The following SH3PXD2B variants were observed in gnomAD, a reference collection of about 807,000 sequenced individuals.
The protein encoded by SH3PXD2B is SH3 and PX domains 2B.
In SH3PXD2B, 37 loss-of-function variants were observed where a neutral mutation model predicts 73.1. The observed-to-expected ratio is 0.51, with a 90% CI of 0.39 to 0.67. SH3PXD2B has a LOEUF of 0.67. SH3PXD2B is among the 30% of genes least tolerant of loss of function. The pLI is 0.00. For missense variants in SH3PXD2B, 1,053 were observed against 1,197.8 expected, an observed-to-expected ratio of 0.88 and a Z score of 1.78; for synonymous variants, 457 against 480.5, an observed-to-expected ratio of 0.95 and a Z score of 0.64.
chr5:172,347,593 T>C (rs1757025135), intron 10 of SH3PXD2B, among the ~76,000 whole-genome samples: 1 of 146,534 alleles, frequency 6.8e-6, no homozygotes. Context: ...CCTCAAGTCA[T>C]GGAAATTCTC....
intron 4 of SH3PXD2B, 78 bp downstream of exon 4, chr5:172,394,485 A>C: frequency 6.9e-7 from 1 of 1,443,996 alleles, no homozygotes; most frequent in Non-Finnish European, 9.6e-7. Flanking sequence ...TTTATTGTTG[A>C]GCATCTTGTA....
intron 1 of SH3PXD2B, among the ~76,000 whole-genome samples, chr5:172,434,495 C>G (rs1485314744): frequency 6.6e-6 from 1 of 152,202 alleles, no homozygotes; most frequent in Non-Finnish European, 1.5e-5. Context: ...TGTGAAACAG[C>G]TGCCGCCCTG....
In SH3PXD2B at chr5:172,445,604, C is replaced by G. The variant is rs2113514439; in HGVS notation, c.75+8674G>C. 6.6e-6 allele frequency among the ~76,000 whole-genome samples: 1 copy of G among 152,338 alleles called. No homozygotes were observed. The highest frequency in any genetic ancestry group is 1.9e-4 in the East Asian group (1 of 5,186). ...TAAAGAATAGGATGACCAGTAAAAT[C>G]TGAATTTCGGATAAACAACAAATAA... On this transcript the variant is annotated intron_variant, in intron 1 of 12. Coordinates refer to ENST00000311601, the MANE Select transcript of SH3PXD2B (RefSeq NM_001017995.3). The surrounding 1 kb of genome is among the most constrained non-coding windows in gnomAD (Gnocchi z 5.2).
rs142188421 is a variant in SH3PXD2B, at chr5:172,377,336, A to G, written c.402-3521T>C. Among the ~76,000 whole-genome samples the G allele has an allele frequency of 7.9e-5, 12 of 152,220 alleles. No individual in the cohort carries two copies. In the East Asian group the frequency reaches 2.3e-3, roughly 29 times the overall value. ...ACATGGGTTGACCTTCAGGATCCTGACCAACAGACCAACCCCAATGGGTAT... is the reference window on the plus strand; with the variant it reads ...ACATGGGTTGACCTTCAGGATCCTGGCCAACAGACCAACCCCAATGGGTAT... On this transcript the variant is annotated intron_variant, in intron 5 of 12. Coordinates refer to ENST00000311601, the MANE Select transcript of SH3PXD2B (RefSeq NM_001017995.3).
rs1757958743 is a variant in SH3PXD2B at position 172,382,045 on chromosome 5, G to A, written c.392C>T (p.Pro131Leu). 1 of 1,611,114 alleles carries A rather than the reference G, an allele frequency of 6.2e-7. No homozygotes were observed. Among genetic ancestry groups the A allele is most frequent in the Admixed American group, 1.7e-5 (1 of 59,634 alleles). Residue 131 changes from proline to leucine, a missense_variant, in exon 5 of 13, where the codon CCC (proline) becomes CTC (leucine). Physicochemically the swap from Pro to Leu is moderately conservative, Grantham distance 98. Coordinates refer to ENST00000311601, the MANE Select transcript of SH3PXD2B (RefSeq NM_001017995.3). ...CCACAAACAAACTTACTCTTTGGGG[G>A]GATTCAGGTCCTCAGGTCTTGTCTC... ...FFETRPEDLN[P>L]PKEEHIGKKK...
chr5:172,373,902 T>G, intron 5 of SH3PXD2B, 87 bp from the exon 6 acceptor site: 1 of 1,431,484 alleles, frequency 7.0e-7, no homozygotes, highest in South Asian at 1.2e-5. Flanking sequence ...GAAACTGAGA[T>G]TCTCCACCCC....
At chr5:172,416,158 T>A (rs1207218934) in intron 2 of SH3PXD2B, among the ~76,000 whole-genome samples, 1 of 151,954 alleles carries the variant, frequency 6.6e-6, no homozygotes, top group Non-Finnish European at 1.5e-5. Flanking sequence ...CAAGACTCCG[T>A]CTCTACAAAA....
At chr5:172,363,363 T>C (rs977502637) in intron 6 of SH3PXD2B, among the ~76,000 whole-genome samples, 3 of 152,180 alleles carry the variant, frequency 2.0e-5, no homozygotes, top group African/African-American at 7.2e-5. Flanking sequence ...TTCCAGATAC[T>C]CTAAAGAGTA....
intron 5 of SH3PXD2B, among the ~76,000 whole-genome samples, chr5:172,377,654 C>G (rs1757847057): frequency 6.6e-6 from 1 of 152,102 alleles, no homozygotes; most frequent in African/African-American, 2.4e-5. Flanking sequence ...CAAGGTCACA[C>G]AGCTGGGAAG....
intron 10 of SH3PXD2B, among the ~76,000 whole-genome samples, chr5:172,350,051 C>A (rs554986678): frequency 9.5e-4 from 144 of 152,226 alleles, no homozygotes; most frequent in African/African-American, 3.3e-3. Context: ...GACGGGGTTT[C>A]ACCATGTTGG....
chr5:172,444,336 A>G (rs536464564), intron 1 of SH3PXD2B, among the ~76,000 whole-genome samples: 1 of 152,188 alleles, frequency 6.6e-6, no homozygotes, highest in Non-Finnish European at 1.5e-5. Context: ...CTGGGTGCTG[A>G]GCTTTCCCCC....
At chr5:172,425,686 T>G (rs1759080143) in intron 1 of SH3PXD2B, among the ~76,000 whole-genome samples, 1 of 151,832 alleles carries the variant, frequency 6.6e-6, no homozygotes, top group Non-Finnish European at 1.5e-5. Context: ...CGTCTGGATT[T>G]CATTCTACTG....
intron 1 of SH3PXD2B, among the ~76,000 whole-genome samples, chr5:172,431,628 T>A (rs906021313): frequency 6.6e-6 from 1 of 152,292 alleles, no homozygotes; most frequent in Admixed American, 6.5e-5. Flanking sequence ...CTCAAAAAAA[T>A]TCTGTAATGA....
chr5:172,364,674 G>A (rs544836263), intron 6 of SH3PXD2B, among the ~76,000 whole-genome samples: 2 of 151,280 alleles, frequency 1.3e-5, no homozygotes, highest in African/African-American at 2.4e-5. Context: ...TCCGCTCCCC[G>A]CCCAAAAAAA....
In SH3PXD2B at chr5:172,337,803, T is replaced by C; in HGVS notation, c.*566A>G. 2.0e-6 allele frequency: 2 copies of C among 999,510 alleles called. No homozygotes were observed. The highest frequency in any genetic ancestry group is 2.4e-6 in the Non-Finnish European group (2 of 837,986). 61.9% of individuals were successfully genotyped at this position (999,510 alleles called of 1,614,324 possible). ...GTGGAACCTCAGAGGCCCACGGGCC[T>C]GAGGCTTTGGGGAAGGGGACACTTT... On this transcript the variant is annotated 3_prime_UTR_variant, in exon 13 of 13. Transcript: ENST00000311601.
chr5:172,334,180 T>C lies in SH3PXD2B; in HGVS notation c.*4189A>G. 9.0e-7 allele frequency: 1 copy of C among 1,107,570 alleles called. No individual in the cohort carries two copies. The highest frequency in any genetic ancestry group is 1.1e-6 in the Non-Finnish European group (1 of 906,122). The allele number at this position is 1,107,570 out of a possible 1,614,324, so 68.6% of individuals were successfully genotyped here. On this transcript the variant is annotated 3_prime_UTR_variant, in exon 13 of 13. Transcript: ENST00000311601. ...AAACATGAGGAGGAGCTCGATAACT[T>C]GGCAGAATAGCACCAGAAACCAGAT...
At chr5:172,406,528 C>A (rs1758562764) in intron 2 of SH3PXD2B, among the ~76,000 whole-genome samples, 176 bp from the exon 3 acceptor site, 1 of 152,100 alleles carries the variant, frequency 6.6e-6, no homozygotes, top group African/African-American at 2.4e-5. Flanking sequence ...ACCTAGAAAC[C>A]CCATGAAAAC....
In SH3PXD2B at chr5:172,344,960, AAGGAAGGAGGGAGAGAAAGAAAGAAGG is replaced by A. The variant is rs1170834491; in HGVS notation, c.1188+1149_1188+1175del. On this transcript the variant is annotated intron_variant, in intron 12 of 12. Transcript: ENST00000311601. ...GGCAGGAAGGAGGATGGAGGAAAGG[AAGGAAGGAGGGAGAGAAAGAAAGAAGG>A]AGGAAGGAGGGAGGAAAGAGAGAAG... 5.3e-3 allele frequency among the ~76,000 whole-genome samples: 796 copies of A among 151,114 alleles called. 11 individuals are homozygous for A. The highest frequency in any genetic ancestry group is 0.019 in the African/African-American group (760 of 41,072).
exon 13 of SH3PXD2B, chr5:172,325,327 G>T: frequency 6.5e-7 from 1 of 1,535,550 alleles, no homozygotes; most frequent in Non-Finnish European, 8.7e-7. Context: ...TCCGCATCTT[G>T]ATTCTTCTAA....
Sources: allele counts gnomAD v4.1 joint callset (sites outside exome capture counted in the v4.1 genomes callset), GRCh38; gene constraint gnomAD v4.1.1; non-coding constraint Gnocchi (gnomAD v3.1); transcripts MANE v1.5; gene names NCBI Gene and HGNC (gene_info 2026-07-23, HGNC 2026-07-21).